Variants in DLGAP2 observed in about 807,000 individuals in gnomAD.
The protein encoded by DLGAP2 is disks large-associated protein 2.
In DLGAP2, 26 loss-of-function variants were observed where a neutral mutation model predicts 100.3. That is an observed-to-expected ratio of 0.26 (90% confidence interval 0.19 to 0.36). The LOEUF is 0.36. Ranked by LOEUF, DLGAP2 falls within the 10% of genes least tolerant of loss-of-function variation. The pLI is 1.00. For missense variants in DLGAP2, 1,858 were observed against 1,453.2 expected (o/e 1.28, Z -4.53); for synonymous variants, 886 against 630.1 (o/e 1.41, Z -6.08).
chr8:1,412,480 C>T (rs1158473360), intron 3 of DLGAP2, among the ~76,000 whole-genome samples: 2 of 152,208 alleles, frequency 1.3e-5, no homozygotes, highest in African/African-American at 4.8e-5. Flanking sequence ...GCTGAAATAT[C>T]CCACTGCTGC....
chr8:1,432,705 G>A (rs1253995365), intron 3 of DLGAP2, among the ~76,000 whole-genome samples: 1 of 152,234 alleles, frequency 6.6e-6, no homozygotes. Context: ...TCGGCATGCT[G>A]TGAATTTGGC....
chr8:1,253,094 C>T (rs766553512), intron 2 of DLGAP2, among the ~76,000 whole-genome samples: 9 of 152,320 alleles, frequency 5.9e-5, no homozygotes, highest in East Asian at 3.9e-4. Context: ...GGCCTGTCCC[C>T]GCGTGGCTTC....
chr8:741,612 T>G (rs760072173), intron 1 of DLGAP2, among the ~76,000 whole-genome samples: 1 of 152,150 alleles, frequency 6.6e-6, no homozygotes, highest in Non-Finnish European at 1.5e-5. Context: ...CTGTCTGTAT[T>G]TATTGGCGGG....
chr8:1,185,956 C>G (rs999755888), intron 2 of DLGAP2, among the ~76,000 whole-genome samples: 3 of 152,174 alleles, frequency 2.0e-5, no homozygotes, highest in Non-Finnish European at 2.9e-5. Flanking sequence ...ATCTCGGGGC[C>G]TCCTGTCACC....
chr8:1,235,096 C>T (rs542447930), intron 2 of DLGAP2, among the ~76,000 whole-genome samples: 4,088 of 21,788 alleles, frequency 0.19, 76 homozygotes, highest in Non-Finnish European at 0.23. Flanking sequence ...CACATGGCGT[C>T]GTGTCTAGTT....
chr8:1,536,336 A>G (rs547188206), intron 4 of DLGAP2, among the ~76,000 whole-genome samples: 1 of 152,152 alleles, frequency 6.6e-6, no homozygotes, highest in Admixed American at 6.5e-5. Flanking sequence ...AATCAGCACC[A>G]TGCCGACGAC....
At chr8:856,002 G>C (rs1797269097) in intron 1 of DLGAP2, among the ~76,000 whole-genome samples, 1 of 152,102 alleles carries the variant, frequency 6.6e-6, no homozygotes, top group African/African-American at 2.4e-5. Flanking sequence ...AGGAAGCGTA[G>C]CCTCTCACCC....
intron 2 of DLGAP2, among the ~76,000 whole-genome samples, chr8:1,236,243 A>C (rs377232307): frequency 0.04 from 838 of 20,942 alleles, 1 homozygote; most frequent in Non-Finnish European, 0.046. Context: ...ACATGGCACC[A>C]TGTCTAGTTA....
Position 1,501,407 on chromosome 8 carries a change from C to T in DLGAP2, c.148C>T (p.Pro50Ser). 1 of 1,535,748 alleles carries T rather than the reference C, an allele frequency of 6.5e-7. No homozygotes were observed. Among genetic ancestry groups the T allele is most frequent in the Non-Finnish European group, 8.7e-7 (1 of 1,146,718 alleles). Residue 50 changes from proline to serine, a missense_variant, in exon 4 of 15, where the codon CCG (proline) becomes TCG (serine). Transcript: ENST00000637795. ...GDLVQPGISF[P>S]GPAEEDLDPQ... The stretch of plus-strand genomic sequence containing the variant: ...CTTGGTCCAGCCGGGCATCAGCTTT[C>T]CGGGGCCGGCAGAGGAGGATCTAGG...
At chr8:1,251,464 G>A (rs1282210868) in intron 2 of DLGAP2, among the ~76,000 whole-genome samples, 2 of 152,072 alleles carry the variant, frequency 1.3e-5, no homozygotes, top group Non-Finnish European at 1.5e-5. Flanking sequence ...TTTGAGACAG[G>A]GTCTCTGTCT....
chr8:844,116 C>G (rs1322710018), intron 1 of DLGAP2, among the ~76,000 whole-genome samples: 2 of 152,052 alleles, frequency 1.3e-5, no homozygotes, highest in Admixed American at 6.5e-5. Flanking sequence ...CTTTGTGGTT[C>G]ACAGTGAAGA....
intron 1 of DLGAP2, among the ~76,000 whole-genome samples, chr8:881,356 A>C (rs1426658051): frequency 6.6e-6 from 1 of 152,150 alleles, no homozygotes; most frequent in Non-Finnish European, 1.5e-5. Flanking sequence ...TTGTATCTCT[A>C]TCTCTGTAAA....
chr8:1,417,684 G>A (rs1256251993), intron 3 of DLGAP2, among the ~76,000 whole-genome samples: 1 of 143,894 alleles, frequency 6.9e-6, no homozygotes, highest in African/African-American at 2.7e-5. Context: ...GCTCCAGGGG[G>A]GCACAGGGGG....
intron 12 of DLGAP2, chr8:1,678,973 AT>A: frequency 4.3e-6 from 1 of 231,552 alleles, no homozygotes; most frequent in African/African-American, 2.2e-5. Context: ...CATTTATGTT[AT>A]TTTCTAGAAT....
At chr8:1,389,303 G>A (rs1280123563) in intron 3 of DLGAP2, among the ~76,000 whole-genome samples, 3 of 139,096 alleles carry the variant, frequency 2.2e-5, no homozygotes, top group Admixed American at 7.0e-5. Context: ...GGAGGAGGAG[G>A]ATGGGAAGGC....
chr8:1,678,744 A>C (rs1002259546), intron 12 of DLGAP2, 115 bp downstream of exon 12: 18 of 1,157,900 alleles, frequency 1.6e-5, no homozygotes, highest in Non-Finnish European at 2.1e-5. Flanking sequence ...AGTGAAGGGA[A>C]ATAAATGTGC....
At chr8:1,105,854 AG>A (rs532359684) in intron 2 of DLGAP2, among the ~76,000 whole-genome samples, 1 of 137,350 alleles carries the variant, frequency 7.3e-6, no homozygotes, top group Non-Finnish European at 1.6e-5. Context: ...TTTTCTACTG[AG>A]GGGGACCATT....
chr8:1,461,709 A>G (rs1188884033), intron 3 of DLGAP2, among the ~76,000 whole-genome samples: 13 of 35,344 alleles, frequency 3.7e-4, no homozygotes, highest in African/African-American at 5.6e-4. Flanking sequence ...TGATTCGGTG[A>G]CCAGGAGGAG....
At chr8:1,175,889 A>G (rs1193266073) in intron 2 of DLGAP2, among the ~76,000 whole-genome samples, 1 of 152,232 alleles carries the variant, frequency 6.6e-6, no homozygotes, top group African/African-American at 2.4e-5. Flanking sequence ...TATTATCCAC[A>G]TAGCCATGGG....
Sources: gnomAD v4.1 joint callset for allele counts (sites outside exome capture counted in the v4.1 genomes callset) on GRCh38, gnomAD v4.1.1 for gene constraint, MANE v1.5 for transcripts, NCBI Gene and HGNC (gene_info 2026-07-23, HGNC 2026-07-21) for gene names.